RPS6KA5: variants seen among roughly 807,000 people sequenced by gnomAD.
The protein encoded by RPS6KA5 is ribosomal protein S6 kinase A5.
Under a neutral mutation model 85.5 loss-of-function variants are expected in RPS6KA5, and 27 were observed. The observed-to-expected ratio is 0.32, with a 90% CI of 0.23 to 0.44. The LOEUF (loss-of-function observed/expected upper bound fraction) is 0.44, where lower values mean the gene tolerates loss of function less well. RPS6KA5 is among the 20% of genes least tolerant of loss of function. RPS6KA5 has a pLI of 1.00. For synonymous variants in RPS6KA5, 334 were observed against 348.2 expected (o/e 0.96, Z 0.46); for missense variants, 811 against 980.9 (o/e 0.83, Z 2.31).
chr14:90,938,725 G>C (rs533308855), intron 5 of RPS6KA5, among the ~76,000 whole-genome samples: 1 of 152,194 alleles, frequency 6.6e-6, no homozygotes, highest in Non-Finnish European at 1.5e-5. Flanking sequence ...GCTCCTTTTA[G>C]TCATGGCTGT....
chr14:90,910,515 AT>A (rs1290838816), intron 7 of RPS6KA5, among the ~76,000 whole-genome samples: 2 of 151,634 alleles, frequency 1.3e-5, no homozygotes, highest in Non-Finnish European at 1.5e-5. Context: ...GAAAACTTTT[AT>A]AATAAAATGT....
intron 1 of RPS6KA5, among the ~76,000 whole-genome samples, chr14:91,023,446 C>T (rs944848836): frequency 6.6e-6 from 1 of 152,024 alleles, no homozygotes; most frequent in South Asian, 2.1e-4. Flanking sequence ...ACCACCATGC[C>T]TGGCTAATTT....
intron 1 of RPS6KA5, among the ~76,000 whole-genome samples, chr14:91,011,968 G>A (rs762383202): frequency 9.9e-5 from 15 of 152,216 alleles, no homozygotes; most frequent in African/African-American, 2.2e-4. Flanking sequence ...GGATAGAAAC[G>A]TATCGTTTGT....
intron 5 of RPS6KA5, among the ~76,000 whole-genome samples, chr14:90,926,645 GTATA>G (rs879470923): frequency 2.1e-5 from 3 of 140,002 alleles, no homozygotes; most frequent in African/African-American, 5.5e-5. Context: ...ATATGTATGT[GTATA>G]TATATATATA....
intron 5 of RPS6KA5, among the ~76,000 whole-genome samples, chr14:90,931,374 G>A (rs1016639640): frequency 6.6e-6 from 1 of 151,990 alleles, no homozygotes; most frequent in Non-Finnish European, 1.5e-5. Flanking sequence ...GGCTGCTGGG[G>A]GTTAGGGGAC....
intron 1 of RPS6KA5, among the ~76,000 whole-genome samples, chr14:91,055,682 G>C (rs2043283705): frequency 1.3e-5 from 2 of 152,190 alleles, no homozygotes; most frequent in African/African-American, 4.8e-5. Context: ...AGGAGGCTGA[G>C]GCAGGAGGAT....
At chr14:90,958,686 C>T (rs1304389256) in intron 3 of RPS6KA5, among the ~76,000 whole-genome samples, 1 of 152,100 alleles carries the variant, frequency 6.6e-6, no homozygotes, top group Non-Finnish European at 1.5e-5. Context: ...GCATCAGCCT[C>T]TCTTCTAGGC....
intron 12 of RPS6KA5, among the ~76,000 whole-genome samples, chr14:90,896,812 C>G (rs533628247): frequency 1.3e-5 from 2 of 152,198 alleles, no homozygotes; most frequent in East Asian, 3.9e-4. Context: ...CCTCCGCCTC[C>G]CAAGTTCAAC....
chr14:90,933,020 T>C (rs2037067926), intron 5 of RPS6KA5, among the ~76,000 whole-genome samples: 1 of 152,324 alleles, frequency 6.6e-6, no homozygotes, highest in South Asian at 2.1e-4. Context: ...AAACCCCAAG[T>C]TGTCTACATA....
intron 5 of RPS6KA5, among the ~76,000 whole-genome samples, chr14:90,942,877 T>C (rs1010576998): frequency 2.0e-5 from 3 of 152,206 alleles, no homozygotes; most frequent in Non-Finnish European, 2.9e-5. Context: ...AATTCTGATA[T>C]ACCCATCAAG....
intron 7 of RPS6KA5, among the ~76,000 whole-genome samples, chr14:90,908,907 C>T (rs141849988): frequency 3.9e-5 from 6 of 152,290 alleles, no homozygotes; most frequent in African/African-American, 7.2e-5. Context: ...GGTCCACAAG[C>T]TCCCCCTTAT....
intron 5 of RPS6KA5, among the ~76,000 whole-genome samples, chr14:90,926,132 T>C (rs1347844702): frequency 2.0e-5 from 3 of 151,970 alleles, no homozygotes; most frequent in Admixed American, 6.6e-5. Context: ...TTGCTGGGCA[T>C]GGTGGCTCAC....
At chr14:90,979,800 C>T (rs1481309595) in intron 2 of RPS6KA5, among the ~76,000 whole-genome samples, 3 of 152,232 alleles carry the variant, frequency 2.0e-5, no homozygotes, top group Non-Finnish European at 4.4e-5. Context: ...AATTCTACTT[C>T]ACCCATGAGG....
intron 8 of RPS6KA5, among the ~76,000 whole-genome samples, chr14:90,904,155 T>C (rs969486602): frequency 6.6e-6 from 1 of 152,154 alleles, no homozygotes; most frequent in South Asian, 2.1e-4. Context: ...TTCACTGTGT[T>C]AGCCAGGATG....
chr14:90,893,681 G>A (rs1019599410), intron 13 of RPS6KA5, among the ~76,000 whole-genome samples: 2 of 151,996 alleles, frequency 1.3e-5, no homozygotes, highest in Admixed American at 6.6e-5. Flanking sequence ...GTATAATCTT[G>A]TATATGGTAA....
intron 1 of RPS6KA5, among the ~76,000 whole-genome samples, chr14:91,036,755 G>A (rs1007790000): frequency 6.6e-6 from 1 of 152,196 alleles, no homozygotes; most frequent in African/African-American, 2.4e-5. Flanking sequence ...GTCTGTGCAA[G>A]GACAAGGAAA....
chr14:90,910,889 G>C (rs1342891934), intron 7 of RPS6KA5, among the ~76,000 whole-genome samples: 1 of 151,972 alleles, frequency 6.6e-6, no homozygotes, highest in Non-Finnish European at 1.5e-5. Flanking sequence ...GTTTCACCGT[G>C]TTAGCCAGGA....
At chr14:91,028,766 C>T (rs1744044631) in intron 1 of RPS6KA5, among the ~76,000 whole-genome samples, 1 of 152,146 alleles carries the variant, frequency 6.6e-6, no homozygotes, top group South Asian at 2.1e-4. Context: ...GATCTGCCCG[C>T]CTCTGCCTCC....
chr14:90,951,711 A>C (rs973301346), intron 3 of RPS6KA5, among the ~76,000 whole-genome samples: 1 of 152,164 alleles, frequency 6.6e-6, no homozygotes, highest in African/African-American at 2.4e-5. Flanking sequence ...TGGGAGGACA[A>C]GGATCATCAT....
Sources: gnomAD v4.1 joint callset for allele counts (sites outside exome capture counted in the v4.1 genomes callset) on GRCh38, gnomAD v4.1.1 for gene constraint, MANE v1.5 for transcripts, NCBI Gene and HGNC (gene_info 2026-07-23, HGNC 2026-07-21) for gene names.